SORCS1: variants seen among roughly 807,000 people sequenced by gnomAD.
The protein encoded by SORCS1 is VPS10 domain-containing receptor SorCS1.
A neutral mutation model predicts 146.1 loss-of-function variants in SORCS1; 60 were observed. The observed-to-expected ratio is 0.41, with a 90% confidence interval of 0.33 to 0.51. The LOEUF (loss-of-function observed/expected upper bound fraction) is 0.51. Among genes scored for constraint, SORCS1 ranks in the 20% least tolerant of loss-of-function variants. The probability of loss-of-function intolerance (pLI) is 0.21; values close to 1 mark genes in which losing one functional copy is unlikely to be tolerated. For synonymous variants in SORCS1, 637 were observed against 584.0 expected (o/e 1.09, Z -1.31); for missense variants, 1,352 against 1,487.6 (o/e 0.91, Z 1.50).
intron 1 of SORCS1, among the ~76,000 whole-genome samples, chr10:107,095,518 A>T (rs1380589632): frequency 6.6e-6 from 1 of 152,238 alleles, no homozygotes; most frequent in East Asian, 1.9e-4. Flanking sequence ...GGATTTATCC[A>T]GAAAGCAATG....
the SORCS1 span, among the ~76,000 whole-genome samples, chr10:107,179,844 T>C: frequency 1.3e-5 from 2 of 151,762 alleles, no homozygotes; most frequent in African/African-American, 2.4e-5. Flanking sequence ...TTAGCAAATA[T>C]GTTTTCCCAC....
chr10:106,700,405 A>G (rs564884405), intron 8 of SORCS1, among the ~76,000 whole-genome samples: 2 of 152,226 alleles, frequency 1.3e-5, no homozygotes, highest in South Asian at 4.2e-4. Context: ...TCATAAAACA[A>G]CTTCCAAAAA....
intron 15 of SORCS1, 105 bp from the exon 16 acceptor site, chr10:106,671,472 A>G: frequency 6.7e-7 from 1 of 1,488,006 alleles, no homozygotes; most frequent in South Asian, 1.3e-5. Context: ...AGTGTAATGT[A>G]AACTTTGGTA....
chr10:107,004,460 G>T (rs953797257), intron 1 of SORCS1, among the ~76,000 whole-genome samples: 2 of 152,130 alleles, frequency 1.3e-5, no homozygotes, highest in African/African-American at 4.8e-5. Flanking sequence ...GTCTTCCATG[G>T]GAGCAGGCAA....
At chr10:106,926,848 CACACACACACACACACACAG>C (rs1424291133) in intron 2 of SORCS1, among the ~76,000 whole-genome samples, 9 of 129,628 alleles carry the variant, frequency 6.9e-5, no homozygotes, top group African/African-American at 3.5e-4. Flanking sequence ...CACACACACA[CACACACACACACACACACAG>C]AGAGAGAGAG....
At chr10:106,877,962 GTCCTTAGTCATAA>G (rs1255906071) in intron 2 of SORCS1, among the ~76,000 whole-genome samples, 1 of 152,098 alleles carries the variant, frequency 6.6e-6, no homozygotes, top group African/African-American at 2.4e-5. Context: ...TGACTCCAAA[GTCCTTAGTCATAA>G]TCTCTACCCG....
At chr10:107,019,209 T>G (rs766746035) in intron 1 of SORCS1, among the ~76,000 whole-genome samples, 2 of 152,318 alleles carry the variant, frequency 1.3e-5, no homozygotes, top group South Asian at 2.1e-4. Flanking sequence ...ATGGCCTGTA[T>G]TTTTTAAAAA....
At chr10:106,648,929 T>C (rs1460674990) in intron 18 of SORCS1, among the ~76,000 whole-genome samples, 3 of 151,898 alleles carry the variant, frequency 2.0e-5, no homozygotes, top group African/African-American at 7.3e-5. Context: ...TGGAGAGGAA[T>C]GCACCGACAG....
chr10:106,873,525 A>G (rs1195112727), intron 2 of SORCS1, among the ~76,000 whole-genome samples: 1 of 152,100 alleles, frequency 6.6e-6, no homozygotes, highest in Non-Finnish European at 1.5e-5. Flanking sequence ...ATGTTAGAGA[A>G]CAGACTTTCT....
intron 5 of SORCS1, among the ~76,000 whole-genome samples, chr10:106,740,748 A>G (rs1857305354): frequency 6.6e-6 from 1 of 152,242 alleles, no homozygotes; most frequent in Non-Finnish European, 1.5e-5. Flanking sequence ...TCAATTGTCA[A>G]CAACTTGGGT....
intron 1 of SORCS1, among the ~76,000 whole-genome samples, chr10:107,024,002 C>T (rs1369154387): frequency 2.6e-5 from 4 of 151,960 alleles, no homozygotes; most frequent in African/African-American, 7.3e-5. Context: ...GGTGAAACCA[C>T]GTCTCTACTA....
chr10:106,702,637 A>C (rs564429693), intron 8 of SORCS1, among the ~76,000 whole-genome samples: 1 of 152,316 alleles, frequency 6.6e-6, no homozygotes, highest in Non-Finnish European at 1.5e-5. Flanking sequence ...CCTTTGTTTC[A>C]TGTAATTATG....
intron 2 of SORCS1, among the ~76,000 whole-genome samples, chr10:106,937,883 G>GA (rs1953826799): frequency 2.7e-5 from 4 of 150,910 alleles, no homozygotes; most frequent in Admixed American, 2.0e-4. Flanking sequence ...AGAATTGCTT[G>GA]ACCTCGGGAG....
intron 2 of SORCS1, among the ~76,000 whole-genome samples, chr10:106,927,185 T>A (rs1189814886): frequency 6.6e-6 from 1 of 152,070 alleles, no homozygotes; most frequent in Non-Finnish European, 1.5e-5. Context: ...CTGTGGACCC[T>A]CGCAGTGAGT....
rs2134111860 is a variant in SORCS1 at position 107,060,571 on chromosome 10, TC to T, written c.558+103397del. Among the ~76,000 whole-genome samples, 1 of 152,270 alleles carries T rather than the reference TC, an allele frequency of 6.6e-6. No individual in the cohort carries two copies. The highest frequency in any genetic ancestry group is 1.9e-4 in the East Asian group (1 of 5,174). ...CAGGCCTCAAGGACCTTCCTTGGGA[TC>T]AAAGTCATTTTTCTGTGCTCAGGAA... On this transcript the variant is annotated intron_variant, in intron 1 of 25. Transcript: ENST00000263054. The surrounding 1 kb of genome is among the most constrained non-coding windows in gnomAD (Gnocchi z 4.1).
intron 1 of SORCS1, among the ~76,000 whole-genome samples, chr10:106,986,107 T>G (rs1956458124): frequency 6.6e-6 from 1 of 152,200 alleles, no homozygotes; most frequent in Non-Finnish European, 1.5e-5. Context: ...TACTATGTTT[T>G]AGCAGTTTAC....
chr10:107,080,673 A>G (rs919709162), intron 1 of SORCS1, among the ~76,000 whole-genome samples: 1 of 152,216 alleles, frequency 6.6e-6, no homozygotes, highest in African/African-American at 2.4e-5. Context: ...TACATACAAG[A>G]GCTGAAAGTT....
chr10:106,688,303 C>T lies in SORCS1; in HGVS notation c.1449G>A (p.Lys483=). 1.2e-6 allele frequency: 2 copies of T among 1,613,884 alleles called. No homozygotes were observed. The change falls in exon 10 of 26, where the codon AAG becomes AAA. Residue 483 remains lysine, a synonymous_variant. Coordinates refer to ENST00000263054, the MANE Select transcript of SORCS1 (RefSeq NM_052918.5). ...AAGTCTTCACTTGGTTGTCAATCTT[C>T]TTGTTAGCCAAGAACATTCCCTTTA... ...AGIKGMFLAN[K]KIDNQVKTFI... is the part of the protein sequence containing the mutation.
chr10:106,643,488 T>A (rs1564810231), intron 18 of SORCS1, among the ~76,000 whole-genome samples: 1 of 152,240 alleles, frequency 6.6e-6, no homozygotes, highest in East Asian at 1.9e-4. Context: ...GCACAGCATC[T>A]CACAATCACA....
Sources: gnomAD v4.1 joint callset for allele counts (sites outside exome capture counted in the v4.1 genomes callset) on GRCh38, gnomAD v4.1.1 for gene constraint, Gnocchi (gnomAD v3.1) non-coding constraint, MANE v1.5 for transcripts, NCBI Gene and HGNC (gene_info 2026-07-23, HGNC 2026-07-21) for gene names.